Variants in CDC42BPA observed in about 807,000 individuals in gnomAD.
CDC42BPA encodes CDC42 binding protein kinase alpha, also known as serine/threonine-protein kinase MRCK alpha.
CDC42BPA carries 80 observed loss-of-function variants against 223.5 expected under a neutral mutation model. The ratio of observed to expected loss-of-function variants is 0.36; its 90% CI spans 0.30 to 0.43. The LOEUF is 0.43. Among genes scored for constraint, CDC42BPA ranks in the 20% least tolerant of loss-of-function variants. CDC42BPA has a pLI of 1.00. For missense variants in CDC42BPA, 1,743 were observed against 2,099.9 expected, an observed-to-expected ratio of 0.83 and a Z score of 3.32; for synonymous variants, 694 against 718.6, an observed-to-expected ratio of 0.97 and a Z score of 0.55.
At chr1:227,266,380 G>A (rs1685004863) in intron 1 of CDC42BPA, among the ~76,000 whole-genome samples, 3 of 152,080 alleles carry the variant, frequency 2.0e-5, no homozygotes, top group Non-Finnish European at 1.5e-5. Context: ...AACCATGAAA[G>A]GAAAAACAGA....
chr1:227,167,228 T>G (rs1665196618), intron 5 of CDC42BPA, among the ~76,000 whole-genome samples: 1 of 152,154 alleles, frequency 6.6e-6, no homozygotes, highest in Admixed American at 6.5e-5. Context: ...TCCAAGAAAA[T>G]GCAAGTCCTC....
chr1:227,263,143 G>C (rs1407596457), intron 1 of CDC42BPA, among the ~76,000 whole-genome samples: 2 of 152,178 alleles, frequency 1.3e-5, no homozygotes, highest in African/African-American at 2.4e-5. Flanking sequence ...TGAGGCAAGA[G>C]AATCACTGGA....
chr1:227,052,205 C>T (rs1211740612), intron 21 of CDC42BPA, among the ~76,000 whole-genome samples: 1 of 152,184 alleles, frequency 6.6e-6, no homozygotes, highest in Non-Finnish European at 1.5e-5. Flanking sequence ...TAACCAAAGG[C>T]TCCTCCCTGA....
rs748787987 is a variant in CDC42BPA, at chr1:227,220,282, T to TTTTATATATATATATA, written c.271-7064_271-7063insTATATATATATATAAA. Among the ~76,000 whole-genome samples the TTTTATATATATATATA allele has an allele frequency of 4.7e-3, 473 of 100,314 alleles. 1 individual carries two copies. Among genetic ancestry groups the TTTTATATATATATATA allele is most frequent in the Middle Eastern group, 0.011 (2 of 178 alleles). 65.8% of individuals were successfully genotyped at this position (100,314 alleles called of 152,430 possible). Reference sequence around the variant, plus strand: ...GTCTCTTTAATGAAAAAAAGTCATGTTATATATATATATATATATATATAT... The same window carrying TTTTATATATATATATA: ...GTCTCTTTAATGAAAAAAAGTCATGTTTTATATATATATATATATATATATATATATATATATATAT... On this transcript the variant is annotated intron_variant, in intron 2 of 36. Coordinates refer to ENST00000366766, the MANE Select transcript of CDC42BPA (RefSeq NM_001394014.1).
intron 12 of CDC42BPA, among the ~76,000 whole-genome samples, chr1:227,115,037 AAG>A (rs1007600613): frequency 6.6e-6 from 1 of 152,164 alleles, no homozygotes; most frequent in African/African-American, 2.4e-5. Flanking sequence ...TGCAAACAAA[AAG>A]AGTTCTGGAG....
chr1:227,145,623 A>T lies in CDC42BPA; in HGVS notation c.1009T>A (p.Phe337Ile), dbSNP rs770376247. Residue 337 changes from phenylalanine to isoleucine, a missense_variant, in exon 8 of 37, where the codon TTT becomes ATT. This residue lies in a region of CDC42BPA where 321 missense variants were observed against 488.7 expected (regional missense o/e 0.66). Transcript: ENST00000366766. ...CCACTGAAAAATGGGTGTTTCTTAA[A>T]GTCTTCTATTCCATTTTGACCAAGT... Reference protein sequence around the residue: ...HRLGQNGIEDFKKHPFFSGID... With the variant: ...HRLGQNGIEDIKKHPFFSGID... 6.2e-6 allele frequency: 10 copies of T among 1,613,806 alleles called. No individual in the cohort carries two copies. In the South Asian group the frequency reaches 1.1e-4, roughly 18 times the overall value.
At chr1:227,066,799 T>C (rs1436545057) in intron 21 of CDC42BPA, among the ~76,000 whole-genome samples, 1 of 152,210 alleles carries the variant, frequency 6.6e-6, no homozygotes, top group Non-Finnish European at 1.5e-5. Flanking sequence ...ATACACTGTT[T>C]CCTTAAATCT....
intron 3 of CDC42BPA, among the ~76,000 whole-genome samples, chr1:227,201,686 C>A (rs937338101): frequency 1.0e-4 from 15 of 148,784 alleles, no homozygotes; most frequent in African/African-American, 3.4e-4. Flanking sequence ...CACATACACA[C>A]ACACACACAG....
chr1:227,100,947 G>C, intron 15 of CDC42BPA, 45 bp downstream of exon 15: 2 of 1,187,960 alleles, frequency 1.7e-6, no homozygotes, highest in Non-Finnish European at 2.4e-6. Flanking sequence ...CACATAACAG[G>C]TACTCAGTAA....
intron 1 of CDC42BPA, among the ~76,000 whole-genome samples, chr1:227,281,837 C>G (rs1028934313): frequency 1.3e-5 from 2 of 152,126 alleles, no homozygotes; most frequent in African/African-American, 4.8e-5. Context: ...AAGGGGAAAA[C>G]CTACCTGGCT....
rs1384360456 is a variant in CDC42BPA at position 226,990,468 on chromosome 1, G to C, written c.*3800C>G. ...ATGAAATGCAGCTCATCTAGTTCAGGGCTGGGCCAGAGAGACGGGGGAGTG... is the reference window on the plus strand; with the variant it reads ...ATGAAATGCAGCTCATCTAGTTCAGCGCTGGGCCAGAGAGACGGGGGAGTG... On this transcript the variant is annotated 3_prime_UTR_variant, in exon 37 of 37. Transcript: ENST00000366766. The C allele has an allele frequency of 6.6e-6, 1 of 152,238 alleles. No individual in the cohort carries two copies. The highest frequency in any genetic ancestry group is 1.5e-5 in the Non-Finnish European group (1 of 68,084). The allele number at this position is 152,238 out of a possible 1,614,324, so 9.4% of individuals were successfully genotyped here. A position where few individuals can be genotyped will look rare whatever the true frequency, so the allele number is the denominator to read the frequency against.
chr1:227,115,430 T>G (rs1414669627), intron 12 of CDC42BPA, among the ~76,000 whole-genome samples: 1 of 151,902 alleles, frequency 6.6e-6, no homozygotes, highest in African/African-American at 2.4e-5. Flanking sequence ...AAAAAGAAAC[T>G]GTTAGAACTT....
chr1:227,136,677 C>T (rs932177046), intron 10 of CDC42BPA, among the ~76,000 whole-genome samples: 1 of 152,146 alleles, frequency 6.6e-6, no homozygotes, highest in African/African-American at 2.4e-5. Context: ...CATTCAAGAG[C>T]TTAAGATTAA....
At chr1:227,236,702 TA>T (rs1292586354) in intron 2 of CDC42BPA, among the ~76,000 whole-genome samples, 1 of 152,110 alleles carries the variant, frequency 6.6e-6, no homozygotes, top group Admixed American at 6.6e-5. Flanking sequence ...ACCCTGCCCC[TA>T]CAGCCCTACC....
intron 3 of CDC42BPA, among the ~76,000 whole-genome samples, chr1:227,209,350 C>T (rs180751775): frequency 0.14 from 19,005 of 139,522 alleles, 1,446 homozygotes; most frequent in East Asian, 0.33. Flanking sequence ...CCCTTTATTT[C>T]CTTCTCCTGC....
chr1:227,215,086 G>A (rs932344730), intron 2 of CDC42BPA, among the ~76,000 whole-genome samples: 17 of 152,176 alleles, frequency 1.1e-4, no homozygotes, highest in African/African-American at 4.1e-4. Context: ...ATCTGTTTAT[G>A]AAGGGCTGCT....
chr1:227,095,644 T>C (rs1055048788), intron 15 of CDC42BPA, among the ~76,000 whole-genome samples: 2 of 148,048 alleles, frequency 1.4e-5, no homozygotes, highest in East Asian at 2.0e-4. Context: ...CAGGCTGGAG[T>C]GCAGTGGTGC....
rs1029984257 is a variant in CDC42BPA, at chr1:227,132,476, C to T, written c.1391-3245G>A. ...GGAGTGCAGTGGCGTGATCTCGGCT[C>T]GCTACAACATCTACCTCCCAGCCGC... On this transcript the variant is annotated intron_variant, in intron 10 of 36. Coordinates refer to ENST00000366766, the MANE Select transcript of CDC42BPA (RefSeq NM_001394014.1). Among the ~76,000 whole-genome samples, 6 of 137,008 alleles carry T rather than the reference C, an allele frequency of 4.4e-5. 2 individuals are homozygous for T. The highest frequency in any genetic ancestry group is 4.3e-4 in the East Asian group (2 of 4,698). 89.9% of individuals were successfully genotyped at this position (137,008 alleles called of 152,430 possible). A position where few individuals can be genotyped will look rare whatever the true frequency, so the allele number is the denominator to read the frequency against.
At chr1:227,228,383 A>G (rs1317154545) in intron 2 of CDC42BPA, among the ~76,000 whole-genome samples, 2 of 152,238 alleles carry the variant, frequency 1.3e-5, no homozygotes, top group Admixed American at 6.5e-5. Flanking sequence ...GCTAGATAAT[A>G]TTCCATCATA....
Sources: gnomAD v4.1 joint callset for allele counts (sites outside exome capture counted in the v4.1 genomes callset) on GRCh38, gnomAD v4.1.1 for gene constraint, gnomAD v4.1.1 regional missense constraint, MANE v1.5 for transcripts, NCBI Gene and HGNC (gene_info 2026-07-23, HGNC 2026-07-21) for gene names.